The following SPMAP2 variants were observed in gnomAD, a reference collection of about 807,000 sequenced individuals.
The protein encoded by SPMAP2 is Theg homolog.
chr19:364,219 C>T, the SPMAP2 span, among the ~76,000 whole-genome samples: 2 of 150,690 alleles, frequency 1.3e-5, no homozygotes, highest in African/African-American at 4.9e-5. Context: ...TGCCTGTAGT[C>T]CCAGCTACTC....
chr19:366,957 C>G, the SPMAP2 span: 1 of 1,276,276 alleles, frequency 7.8e-7, no homozygotes, highest in Admixed American at 2.6e-5. Context: ...TTCTGCTTCT[C>G]TTTCATGGGG....
At chr19:364,696 G>A in the SPMAP2 span, among the ~76,000 whole-genome samples, 1 of 152,042 alleles carries the variant, frequency 6.6e-6, no homozygotes, top group Non-Finnish European at 1.5e-5. Flanking sequence ...CCTGGCTGGG[G>A]TCATGTCTTG....
chr19:370,797 G>T, the SPMAP2 span, among the ~76,000 whole-genome samples: 1 of 152,186 alleles, frequency 6.6e-6, no homozygotes, highest in African/African-American at 2.4e-5. Flanking sequence ...GATGCAGGGC[G>T]GGGGGCGGCA....
At chr19:370,309 G>A in the SPMAP2 span, among the ~76,000 whole-genome samples, 1 of 151,618 alleles carries the variant, frequency 6.6e-6, no homozygotes, top group Non-Finnish European at 1.5e-5. Flanking sequence ...GGAAACTTAC[G>A]CCTCCACAAA....
chr19:367,488 T>C, the SPMAP2 span, among the ~76,000 whole-genome samples: 231 of 152,296 alleles, frequency 1.5e-3, 1 homozygote, highest in African/African-American at 5.1e-3. Context: ...TTTTGACCAA[T>C]GTAATATCAA....
the SPMAP2 span, among the ~76,000 whole-genome samples, chr19:363,960 G>C: frequency 0.013 from 2,015 of 151,696 alleles, 29 homozygotes; most frequent in East Asian, 0.032. Flanking sequence ...CCTCAGCCTC[G>C]CAAGTAGCTG....
chr19:371,966 C>T, the SPMAP2 span, among the ~76,000 whole-genome samples: 5 of 152,236 alleles, frequency 3.3e-5, no homozygotes, highest in African/African-American at 1.2e-4. Flanking sequence ...GTGCTGTTCA[C>T]GTGATCTGCA....
the SPMAP2 span, among the ~76,000 whole-genome samples, chr19:372,170 G>A: frequency 1.9e-4 from 28 of 148,738 alleles, no homozygotes; most frequent in African/African-American, 6.8e-4. Context: ...TCCTTCATAC[G>A]CTGCATAAAA....
chr19:373,822 G>T, the SPMAP2 span: 1 of 1,010,678 alleles, frequency 9.9e-7, no homozygotes, highest in Non-Finnish European at 1.5e-6. Context: ...CCACATCTGA[G>T]GAGCCCTCCC....
chr19:362,485 A>G, the SPMAP2 span: 25 of 1,424,468 alleles, frequency 1.8e-5, no homozygotes, highest in Admixed American at 4.9e-4. Flanking sequence ...CTCCACATTC[A>G]GGCTGGGCAT....
chr19:369,889 C>G, the SPMAP2 span, among the ~76,000 whole-genome samples: 5 of 152,184 alleles, frequency 3.3e-5, no homozygotes, highest in Non-Finnish European at 1.5e-5. Flanking sequence ...TCAGTTAAGG[C>G]TATTTTTACT....
chr19:374,412 G>A, the SPMAP2 span: 6 of 1,614,092 alleles, frequency 3.7e-6, no homozygotes, highest in Non-Finnish European at 5.1e-6. Flanking sequence ...TCTGGCTGAT[G>A]GACAGCCGGC....
chr19:372,671 G>A, the SPMAP2 span: 34 of 1,613,954 alleles, frequency 2.1e-5, no homozygotes, highest in Non-Finnish European at 2.7e-5. Context: ...CTCTTGGGCC[G>A]AGACAGTTCC....
At chr19:363,472 C>T in the SPMAP2 span, among the ~76,000 whole-genome samples, 1,625 of 151,198 alleles carry the variant, frequency 0.011, 25 homozygotes, top group African/African-American at 0.037. Flanking sequence ...GCATTACAGG[C>T]GTGAGCCACT....
At chr19:366,613 G>A in the SPMAP2 span, among the ~76,000 whole-genome samples, 6,769 of 152,258 alleles carry the variant, frequency 0.044, 171 homozygotes, top group East Asian at 0.086. Flanking sequence ...ATTAATAACC[G>A]TCTTACATAA....
chr19:365,246 T>C, the SPMAP2 span, among the ~76,000 whole-genome samples: 1 of 152,242 alleles, frequency 6.6e-6, no homozygotes, highest in Non-Finnish European at 1.5e-5. Context: ...TTGTCTCTTC[T>C]GCACCTTCCG....
the SPMAP2 span, among the ~76,000 whole-genome samples, chr19:365,069 C>T: frequency 1.3e-5 from 2 of 152,362 alleles, no homozygotes; most frequent in Admixed American, 6.5e-5. Context: ...CAGAACCCCA[C>T]GTGGCACGTG....
chr19:368,563 A>G, the SPMAP2 span, among the ~76,000 whole-genome samples: 2 of 152,058 alleles, frequency 1.3e-5, no homozygotes, highest in Non-Finnish European at 2.9e-5. This position sits in a 1 kb window ranked among gnomAD's most constrained non-coding sequence, Gnocchi z 4.1. Flanking sequence ...GCCTAACTGG[A>G]TGCTCCTGTC....
the SPMAP2 span, chr19:374,736 A>C: frequency 3.0e-6 from 1 of 335,910 alleles, no homozygotes; most frequent in African/African-American, 2.1e-5. Flanking sequence ...GTACTAAGGT[A>C]GTGTTTACTC....
Sources: allele counts gnomAD v4.1 joint callset (sites outside exome capture counted in the v4.1 genomes callset), GRCh38; gene constraint gnomAD v4.1.1; non-coding constraint Gnocchi (gnomAD v3.1); transcripts MANE v1.5; gene names NCBI Gene and HGNC (gene_info 2026-07-23, HGNC 2026-07-21).